The following FOCAD variants were observed in gnomAD, a reference collection of about 807,000 sequenced individuals.
FOCAD encodes the protein focadhesin.
FOCAD carries 198 observed loss-of-function variants against 225.6 expected under a neutral mutation model. The ratio of observed to expected loss-of-function variants is 0.88; its 90% CI spans 0.78 to 0.99. FOCAD has a LOEUF of 0.99. Ranked by LOEUF, FOCAD falls within the 50% of genes least tolerant of loss-of-function variation. The pLI is 0.00. For missense variants in FOCAD, 2,713 were observed against 2,123.6 expected, an observed-to-expected ratio of 1.28 and a Z score of -5.46; for synonymous variants, 897 against 755.0, an observed-to-expected ratio of 1.19 and a Z score of -3.08.
chr9:20,830,272 T>C (rs1825351908), intron 15 of FOCAD, among the ~76,000 whole-genome samples: 1 of 152,100 alleles, frequency 6.6e-6, no homozygotes, highest in African/African-American at 2.4e-5. Context: ...TATTAAGACT[T>C]TGCCTAAAGG....
intron 35 of FOCAD, among the ~76,000 whole-genome samples, chr9:20,960,791 T>C (rs945640548): frequency 6.8e-6 from 1 of 146,216 alleles, no homozygotes. Flanking sequence ...GTGTCCAATG[T>C]GTCCAAGTGT....
At chr9:20,919,937 G>T (rs548309081) in intron 24 of FOCAD, among the ~76,000 whole-genome samples, 25 of 151,902 alleles carry the variant, frequency 1.6e-4, no homozygotes, top group Admixed American at 3.9e-4. Context: ...AAAAGCAATG[G>T]CAACAAAAGC....
At chr9:20,801,384 G>GAAA (rs1476379644) in intron 11 of FOCAD, among the ~76,000 whole-genome samples, 2 of 152,126 alleles carry the variant, frequency 1.3e-5, no homozygotes, top group East Asian at 3.9e-4. Context: ...AATTATGTGT[G>GAAA]TAATTAGGGC....
exon 2 of FOCAD, chr9:20,658,769 G>A (rs1490952572): frequency 1.3e-5 from 2 of 158,118 alleles, no homozygotes; most frequent in African/African-American, 2.4e-5. Flanking sequence ...CTGTAGACCG[G>A]AGCTGTTCCT....
intron 1 of FOCAD, among the ~76,000 whole-genome samples, chr9:20,689,311 G>C (rs1822841529): frequency 6.6e-6 from 1 of 152,176 alleles, no homozygotes; most frequent in African/African-American, 2.4e-5. Flanking sequence ...TGCTCACCCA[G>C]ATGACTGTAG....
In FOCAD at chr9:20,955,071, T is replaced by A. The variant is rs148542866; in HGVS notation, c.4132+2006T>A. On this transcript the variant is annotated intron_variant, in intron 35 of 43. Coordinates refer to ENST00000338382, the MANE Select transcript of FOCAD (RefSeq NM_001375567.1). ...CTGGATGTCACTCATCAGAGCCCGG[T>A]GGGACTGCTGATAGGAAGGATGGCA... 8.5e-5 allele frequency among the ~76,000 whole-genome samples: 13 copies of A among 152,330 alleles called. No individual in the cohort carries two copies. In the East Asian group the frequency reaches 2.5e-3, roughly 29 times the overall value.
intron 17 of FOCAD, 68 bp from the exon 18 acceptor site, chr9:20,866,861 T>G (rs1420706810): frequency 4.6e-5 from 44 of 946,302 alleles, no homozygotes; most frequent in Non-Finnish European, 6.3e-5. Flanking sequence ...TGATGTTTAA[T>G]GCATGTTGTG....
At chr9:20,679,784 A>G (rs1356159343), upstream of FOCAD, among the ~76,000 whole-genome samples, 2 of 152,232 alleles carry the variant, frequency 1.3e-5, no homozygotes, top group African/African-American at 2.4e-5. Flanking sequence ...TTGCATGTAC[A>G]ATGTCTAGAA....
chr9:20,932,714 T>A (rs1449178120), intron 27 of FOCAD, among the ~76,000 whole-genome samples: 2 of 152,186 alleles, frequency 1.3e-5, no homozygotes, highest in Non-Finnish European at 2.9e-5. Context: ...CCGAGTTTCT[T>A]TTTTATTTTT....
At chr9:20,984,164 G>A (rs1348747119) in intron 39 of FOCAD, among the ~76,000 whole-genome samples, 7 of 152,178 alleles carry the variant, frequency 4.6e-5, no homozygotes, top group Non-Finnish European at 1.0e-4. Context: ...TAGTGGTAGA[G>A]AACACAGACT....
At chr9:20,765,397 T>C (rs1010700517) in intron 7 of FOCAD, among the ~76,000 whole-genome samples, 5 of 151,804 alleles carry the variant, frequency 3.3e-5, no homozygotes, top group African/African-American at 1.2e-4. Flanking sequence ...TGTGTAGACA[T>C]TGGGACAGTA....
intron 15 of FOCAD, among the ~76,000 whole-genome samples, chr9:20,848,945 G>T (rs1310094587): frequency 6.6e-6 from 1 of 151,216 alleles, no homozygotes; most frequent in Non-Finnish European, 1.5e-5. Flanking sequence ...TTATTATTGG[G>T]TAGATTTGCA....
intron 21 of FOCAD, among the ~76,000 whole-genome samples, chr9:20,906,355 C>G (rs1416139266): frequency 2.6e-5 from 4 of 151,772 alleles, no homozygotes; most frequent in African/African-American, 9.7e-5. Context: ...CTGTAGGACA[C>G]AAAGTAAAGT....
intron 5 of FOCAD, among the ~76,000 whole-genome samples, chr9:20,746,016 A>G (rs1330030511): frequency 6.6e-6 from 1 of 152,134 alleles, no homozygotes; most frequent in Non-Finnish European, 1.5e-5. Context: ...TTTGTAATTT[A>G]TATTGGTTTA....
chr9:20,822,324 A>G lies in FOCAD; in HGVS notation c.1794-665A>G, dbSNP rs188456703. 4.1e-3 allele frequency among the ~76,000 whole-genome samples: 628 copies of G among 152,182 alleles called. 2 individuals carry two copies. Among genetic ancestry groups the G allele is most frequent in the African/African-American group, 0.014 (597 of 41,550 alleles). ...TTTCATCAATTTACATTTTGTTAAT[A>G]AAAGAAAAGATATTATTGAAAGGAA... On this transcript the variant is annotated intron_variant, in intron 14 of 43. Coordinates refer to ENST00000338382, the MANE Select transcript of FOCAD (RefSeq NM_001375567.1).
At chr9:20,876,409 G>T (rs1217829662) in intron 19 of FOCAD, among the ~76,000 whole-genome samples, 1 of 152,096 alleles carries the variant, frequency 6.6e-6, no homozygotes, top group African/African-American at 2.4e-5. Context: ...CCCCATCACA[G>T]TCTCTGGTGT....
intron 5 of FOCAD, among the ~76,000 whole-genome samples, chr9:20,754,712 A>G (rs962400393): frequency 9.2e-5 from 14 of 152,112 alleles, no homozygotes; most frequent in African/African-American, 3.4e-4. Context: ...TGTCATGACT[A>G]GGAGAAATCC....
In FOCAD at chr9:20,702,393, C is replaced by T. The variant is rs577452828; in HGVS notation, c.-32-12929C>T. ...TGCTGGGATTACAGGCATGAGCCACCGGCTGCTTGATGATCTTAGTTTTAC... is the reference window on the plus strand; with the variant it reads ...TGCTGGGATTACAGGCATGAGCCACTGGCTGCTTGATGATCTTAGTTTTAC... On this transcript the variant is annotated intron_variant, in intron 1 of 43. Transcript: ENST00000338382. Among the ~76,000 whole-genome samples the T allele has an allele frequency of 3.9e-5, 6 of 152,214 alleles. No homozygotes were observed. In the East Asian group the frequency reaches 5.8e-4, roughly 15 times the overall value.
chr9:20,873,412 G>C (rs1274377750), intron 18 of FOCAD, among the ~76,000 whole-genome samples: 1 of 152,060 alleles, frequency 6.6e-6, no homozygotes, highest in Non-Finnish European at 1.5e-5. Context: ...AAACCCTCCT[G>C]GTCAGAATCA....
Sources: gnomAD v4.1 joint callset for allele counts (sites outside exome capture counted in the v4.1 genomes callset) on GRCh38, gnomAD v4.1.1 for gene constraint, MANE v1.5 for transcripts, NCBI Gene and HGNC (gene_info 2026-07-23, HGNC 2026-07-21) for gene names.